Variants in SYNE2 observed in about 807,000 individuals in gnomAD.
SYNE2 encodes the protein nesprin-2.
Under a neutral mutation model 856.3 loss-of-function variants are expected in SYNE2, and 431 were observed. That is an observed-to-expected ratio of 0.50 (90% confidence interval 0.47 to 0.55). The LOEUF (loss-of-function observed/expected upper bound fraction) is 0.55. Ranked by LOEUF, SYNE2 falls within the 20% of genes least tolerant of loss-of-function variation. The pLI is 0.00. For synonymous variants in SYNE2, 2,923 were observed against 2,872.3 expected (o/e 1.02, Z -0.56); for missense variants, 8,129 against 8,023.2 (o/e 1.01, Z -0.50).
Position 64,024,446 on chromosome 14 carries a change from C to T in SYNE2, c.5827C>T (p.Gln1943Ter). The change falls in exon 39 of 116, where the codon CAG (glutamine) becomes TAG (stop). Residue 1943 changes from glutamine to a stop codon, truncating the protein, a stop_gained. Coordinates refer to ENST00000555002, the MANE Select transcript of SYNE2 (RefSeq NM_182914.3). LOFTEE classifies it high-confidence loss of function. ...ARAKELEDSL[Q>*]QLLRLQDDHR... ...AGCAAAGGAGCTTGAAGACTCCTTGCAGCAGCTACTGAGGTAGGAAATAAA... is the reference window on the plus strand; with the variant it reads ...AGCAAAGGAGCTTGAAGACTCCTTGTAGCAGCTACTGAGGTAGGAAATAAA... The T allele has an allele frequency of 6.2e-7, 1 of 1,613,786 alleles. No homozygotes were observed. The highest frequency in any genetic ancestry group is 8.5e-7 in the Non-Finnish European group (1 of 1,179,716).
intron 1 of SYNE2, among the ~76,000 whole-genome samples, chr14:63,891,739 C>G (rs1028749083): frequency 6.6e-6 from 1 of 151,948 alleles, no homozygotes; most frequent in Non-Finnish European, 1.5e-5. Context: ...CAGACCTTAT[C>G]TGAAAAAGAT....
intron 2 of SYNE2, among the ~76,000 whole-genome samples, chr14:63,925,798 G>A (rs1352069001): frequency 3.3e-5 from 5 of 152,066 alleles, no homozygotes; most frequent in African/African-American, 1.2e-4. Context: ...TTCACTTAAC[G>A]TAATTACCTT....
intron 79 of SYNE2, among the ~76,000 whole-genome samples, chr14:64,138,611 C>G (rs745737299): frequency 2.7e-5 from 4 of 149,506 alleles, no homozygotes; most frequent in Non-Finnish European, 4.5e-5. Flanking sequence ...TGATATTGCT[C>G]TTTCCAAAAG....
In SYNE2 at chr14:64,052,000, A is replaced by G. The variant is rs768678493; in HGVS notation, c.8087A>G (p.Glu2696Gly). Residue 2696 changes from glutamate to glycine, a missense_variant, in exon 48 of 116, where the codon GAA (glutamate) becomes GGA (glycine). Transcript: ENST00000555002. ...CTTCAGATGAAGAGGATTTGGGGAG[A>G]AAAAGAAAAGAAGAATTTGGAGGAT... is the stretch of plus-strand genomic sequence containing the variant. ...AELQMKRIWGEKEKKNLEDGI... is the reference protein window; with the variant it reads ...AELQMKRIWGGKEKKNLEDGI... 6.2e-7 allele frequency: 1 copy of G among 1,613,706 alleles called. No homozygotes were observed. Among genetic ancestry groups the G allele is most frequent in the Non-Finnish European group, 8.5e-7 (1 of 1,179,950 alleles).
chr14:63,915,839 G>T (rs769457848), intron 2 of SYNE2, among the ~76,000 whole-genome samples: 9 of 152,030 alleles, frequency 5.9e-5, no homozygotes, highest in African/African-American at 9.7e-5. Flanking sequence ...ATTATATACT[G>T]AGTATCCATC....
At chr14:63,992,870 C>T (rs1430093937) in intron 21 of SYNE2, among the ~76,000 whole-genome samples, 2 of 152,194 alleles carry the variant, frequency 1.3e-5, no homozygotes, top group African/African-American at 4.8e-5. Context: ...TTGTGCCTTA[C>T]CTGCAGCCGG....
intron 1 of SYNE2, among the ~76,000 whole-genome samples, chr14:63,784,000 G>A (rs1461980385): frequency 6.6e-6 from 1 of 152,140 alleles, no homozygotes; most frequent in Non-Finnish European, 1.5e-5. Context: ...AAAGAACACA[G>A]TTGCCCTCTA....
chr14:63,913,986 AGCCACTGTGCCTG>A (rs1267492388), intron 2 of SYNE2, among the ~76,000 whole-genome samples: 1 of 152,014 alleles, frequency 6.6e-6, no homozygotes, highest in Non-Finnish European at 1.5e-5. Context: ...TACAGGCATG[AGCCACTGTGCCTG>A]GCCATAAATG....
intron 110 of SYNE2, 101 bp downstream of exon 110, chr14:64,219,511 G>T: frequency 8.8e-7 from 1 of 1,136,130 alleles, no homozygotes; most frequent in East Asian, 2.4e-5. Context: ...CATAGGCGCA[G>T]CTTGCAGATG....
chr14:63,798,462 C>G (rs1235690228), intron 1 of SYNE2, among the ~76,000 whole-genome samples: 2 of 148,928 alleles, frequency 1.3e-5, no homozygotes, highest in Non-Finnish European at 3.0e-5. Flanking sequence ...GGTATGGTCT[C>G]GGCTCACTAC....
chr14:63,906,346 CCTT>C (rs1168209642), intron 1 of SYNE2, among the ~76,000 whole-genome samples: 3 of 152,060 alleles, frequency 2.0e-5, no homozygotes, highest in African/African-American at 7.2e-5. Context: ...AGTCCCTCCT[CCTT>C]GATTTTTTGG....
intron 1 of SYNE2, among the ~76,000 whole-genome samples, chr14:63,882,074 A>G (rs2094878137): frequency 6.6e-6 from 1 of 152,168 alleles, no homozygotes; most frequent in Non-Finnish European, 1.5e-5. Context: ...AAGCTCTGTG[A>G]TGCAGGTGGA....
intron 1 of SYNE2, among the ~76,000 whole-genome samples, chr14:63,886,030 C>T (rs902889609): frequency 2.0e-5 from 3 of 152,126 alleles, no homozygotes; most frequent in Non-Finnish European, 4.4e-5. Flanking sequence ...AGTATGGGAT[C>T]TTGTTGTTTT....
At chr14:64,111,766 C>T (rs1430181656) in intron 65 of SYNE2, among the ~76,000 whole-genome samples, 1 of 151,910 alleles carries the variant, frequency 6.6e-6, no homozygotes, top group Non-Finnish European at 1.5e-5. Flanking sequence ...CCACTGTACT[C>T]CAGCCTGGGT....
intron 49 of SYNE2, among the ~76,000 whole-genome samples, chr14:64,061,274 C>G (rs2097314930): frequency 6.6e-6 from 1 of 152,094 alleles, no homozygotes; most frequent in East Asian, 1.9e-4. Flanking sequence ...TATTCATGTT[C>G]TTAGTAAAAT....
At chr14:63,830,987 C>T (rs1595154060) in intron 1 of SYNE2, among the ~76,000 whole-genome samples, 2 of 151,672 alleles carry the variant, frequency 1.3e-5, no homozygotes, top group African/African-American at 4.8e-5. Context: ...ATTACAGGCA[C>T]CTGCCACCCT....
intron 66 of SYNE2, among the ~76,000 whole-genome samples, chr14:64,114,190 C>G (rs1473275327): frequency 2.6e-5 from 4 of 152,122 alleles, no homozygotes; most frequent in African/African-American, 9.7e-5. Flanking sequence ...TATAAACTTC[C>G]TTGCCGCTAG....
At chr14:63,793,367 A>G (rs933944081) in intron 1 of SYNE2, among the ~76,000 whole-genome samples, 2 of 152,206 alleles carry the variant, frequency 1.3e-5, no homozygotes, top group Admixed American at 6.5e-5. Context: ...GTGTCAGGCA[A>G]TCTGCAATCT....
At chr14:63,995,390 A>T (rs2096705392) in intron 23 of SYNE2, among the ~76,000 whole-genome samples, 188 bp downstream of exon 23, 1 of 152,146 alleles carries the variant, frequency 6.6e-6, no homozygotes, top group Non-Finnish European at 1.5e-5. Flanking sequence ...TAGAAGTGAG[A>T]AAATTCGGCA....
Sources: allele counts gnomAD v4.1 joint callset (sites outside exome capture counted in the v4.1 genomes callset), GRCh38; gene constraint gnomAD v4.1.1; transcripts MANE v1.5; gene names NCBI Gene and HGNC (gene_info 2026-07-23, HGNC 2026-07-21).